Variants in SFI1 observed in about 807,000 individuals in gnomAD.
The protein encoded by SFI1 is SFI1 centrin binding protein, also known as protein SFI1 homolog.
SFI1 carries 195 observed loss-of-function variants against 207.5 expected under a neutral mutation model. The observed-to-expected ratio is 0.94, with a 90% CI of 0.84 to 1.06. SFI1 has a LOEUF of 1.06. Ranked by LOEUF, SFI1 falls within the 50% of genes least tolerant of loss-of-function variation. The probability of loss-of-function intolerance (pLI) is 0.00; values close to 1 mark genes in which losing one functional copy is unlikely to be tolerated. For synonymous variants in SFI1, 630 were observed against 598.9 expected (o/e 1.05, Z -0.76); for missense variants, 1,634 against 1,588.0 (o/e 1.03, Z -0.49).
chr22:31,545,290 G>T (rs898619898), intron 4 of SFI1, among the ~76,000 whole-genome samples: 36 of 150,286 alleles, frequency 2.4e-4, no homozygotes, highest in Admixed American at 2.4e-3. Context: ...GCTTGAAGCC[G>T]GGAGGCAGAG....
At chr22:31,512,547 C>T (rs982514599) in intron 2 of SFI1, among the ~76,000 whole-genome samples, 3 of 151,070 alleles carry the variant, frequency 2.0e-5, no homozygotes, top group African/African-American at 4.9e-5. Flanking sequence ...GACGGAGTCT[C>T]GCCCTGTCGC....
At chr22:31,566,909 A>T (rs1310142468) in intron 8 of SFI1, among the ~76,000 whole-genome samples, 2 of 150,114 alleles carry the variant, frequency 1.3e-5, no homozygotes, top group African/African-American at 4.9e-5. Flanking sequence ...CCTATTAGGA[A>T]TTTTTTTTTT....
At chr22:31,609,101 C>T (rs745307517) in intron 22 of SFI1, among the ~76,000 whole-genome samples, 7 of 152,000 alleles carry the variant, frequency 4.6e-5, no homozygotes, top group Non-Finnish European at 1.0e-4. Flanking sequence ...GGGGTTCAAG[C>T]GAATCTCCTG....
chr22:31,530,701 C>T, intron 3 of SFI1: 1 of 451,442 alleles, frequency 2.2e-6, no homozygotes, highest in Non-Finnish European at 4.6e-6. Context: ...TACACAGCTA[C>T]TCACTCTGTT....
intron 14 of SFI1, among the ~76,000 whole-genome samples, chr22:31,588,629 A>G (rs778186465): frequency 3.9e-5 from 6 of 152,202 alleles, no homozygotes; most frequent in Non-Finnish European, 7.3e-5. Context: ...TCTGGTCAAC[A>G]TGGTGAAACC....
intron 2 of SFI1, among the ~76,000 whole-genome samples, chr22:31,513,522 G>A (rs550693055): frequency 1.3e-5 from 2 of 151,910 alleles, no homozygotes; most frequent in East Asian, 1.9e-4. Flanking sequence ...GTACTCGGGC[G>A]TGGTGACTCG....
chr22:31,568,265 G>A (rs190105901), intron 8 of SFI1, among the ~76,000 whole-genome samples: 114 of 146,708 alleles, frequency 7.8e-4, no homozygotes, highest in Middle Eastern at 3.5e-3. Context: ...CTGGTCTGGC[G>A]CGATGGCTCC....
At chr22:31,614,619 G>A (rs191856396) in intron 27 of SFI1, 170 bp from the exon 28 acceptor site, 12 of 743,884 alleles carry the variant, frequency 1.6e-5, no homozygotes, top group East Asian at 5.3e-5. Flanking sequence ...ACCTTTTGTC[G>A]GAACTGCTGG....
At chr22:31,594,505 A>G (rs2066753081) in intron 15 of SFI1, among the ~76,000 whole-genome samples, 1 of 142,642 alleles carries the variant, frequency 7.0e-6, no homozygotes, top group Admixed American at 7.5e-5. Context: ...CTGAGATCGC[A>G]TCATTGCACT....
chr22:31,528,936 T>C (rs1223817919), intron 3 of SFI1, 73 bp downstream of exon 3: 2 of 1,438,670 alleles, frequency 1.4e-6, no homozygotes, highest in Non-Finnish European at 1.9e-6. Context: ...AATGGGGGAA[T>C]GATTCTTATT....
intron 2 of SFI1, among the ~76,000 whole-genome samples, chr22:31,527,842 A>G (rs1293076433): frequency 6.6e-6 from 1 of 152,030 alleles, no homozygotes; most frequent in Non-Finnish European, 1.5e-5. Flanking sequence ...GGCCGGGAAC[A>G]GTGGCTCAAG....
chr22:31,566,140 A>C, intron 8 of SFI1, among the ~76,000 whole-genome samples: 1 of 139,910 alleles, frequency 7.1e-6, no homozygotes, highest in African/African-American at 2.8e-5. Flanking sequence ...TTTTTTTGAG[A>C]CTCCGTGCAG....
In SFI1 at chr22:31,611,757, C is replaced by T. The variant is rs1474542657; in HGVS notation, c.2416-9C>T. On this transcript the variant is annotated splice_polypyrimidine_tract_variant and intron_variant, in intron 23 of 32. Transcript: ENST00000400288. ...GGACGCCACTCTCTGTGCACTTGCT[C>T]TCCCCCAGCTCCTGCACAGGCAGAG... 6.2e-7 allele frequency: 1 copy of T among 1,612,328 alleles called. No individual in the cohort carries two copies. Among genetic ancestry groups the T allele is most frequent in the East Asian group, 2.2e-5 (1 of 44,860 alleles).
At chr22:31,512,818 C>T (rs1379309998) in intron 2 of SFI1, among the ~76,000 whole-genome samples, 3 of 152,126 alleles carry the variant, frequency 2.0e-5, no homozygotes, top group Non-Finnish European at 4.4e-5. Context: ...TCCCAAGTAC[C>T]TGGGACTACA....
At position 31,618,188 on chromosome 22, in the gene SFI1, C is replaced by G; in HGVS notation, c.3586C>G (p.Gln1196Glu). Residue 1196 changes from glutamine (Q) to glutamate (E), a missense_variant, in exon 32 of 33, where the codon CAG becomes GAG. By Grantham distance (29) the Gln-to-Glu change is conservative. Transcript: ENST00000400288. ...CAGAGAGGAGCCGGGGCCTGAGGAC[C>G]AGGAAGTAGAGCAGCAGGTGCAGAA... ...LNREEPGPED[Q>E]EVEQQVQKEL... The G allele has an allele frequency of 6.3e-7, 1 of 1,596,882 alleles. No homozygotes were observed.
chr22:31,554,572 T>C (rs1451163907), intron 6 of SFI1, among the ~76,000 whole-genome samples: 2 of 150,880 alleles, frequency 1.3e-5, no homozygotes, highest in African/African-American at 4.9e-5. Context: ...CCTCCCAAAG[T>C]GCTGGGATTA....
At chr22:31,577,039 A>G (rs1190829425) in intron 10 of SFI1, among the ~76,000 whole-genome samples, 3 of 152,200 alleles carry the variant, frequency 2.0e-5, no homozygotes, top group African/African-American at 7.2e-5. Flanking sequence ...TTGTTCATCA[A>G]AGTCTTGCTT....
intron 18 of SFI1, 133 bp from the exon 19 acceptor site, chr22:31,604,176 G>A (rs762588572): frequency 4.4e-6 from 3 of 687,320 alleles, no homozygotes; most frequent in African/African-American, 1.8e-5. Flanking sequence ...CCCCTAAGAA[G>A]CACGTATTTA....
At chr22:31,613,088 C>T (rs1337469340) in intron 24 of SFI1, 54 bp from the exon 25 acceptor site, 1 of 1,585,036 alleles carries the variant, frequency 6.3e-7, no homozygotes, top group African/African-American at 1.3e-5. Context: ...CCCGTGATCA[C>T]CACGGCCTCC....
Sources: allele counts gnomAD v4.1 joint callset (sites outside exome capture counted in the v4.1 genomes callset), GRCh38; gene constraint gnomAD v4.1.1; transcripts MANE v1.5; gene names NCBI Gene and HGNC (gene_info 2026-07-23, HGNC 2026-07-21).